The following SEM1 variants were observed in gnomAD, a reference collection of about 807,000 sequenced individuals.
The protein encoded by SEM1 is 26S proteasome complex subunit SEM1.
In SEM1, 3 loss-of-function variants were observed where a neutral mutation model predicts 12.7. That is an observed-to-expected ratio of 0.24 (90% CI 0.11 to 0.61). The LOEUF (loss-of-function observed/expected upper bound fraction) is 0.61. SEM1 is among the 20% of genes least tolerant of loss of function. The pLI, the probability that SEM1 is intolerant of heterozygous loss-of-function variation, is 0.88. For missense variants in SEM1, 59 were observed against 81.3 expected (o/e 0.73, Z 1.06); for synonymous variants, 30 against 27.8 (o/e 1.08, Z -0.25).
intron 2 of SEM1, among the ~76,000 whole-genome samples, chr7:96,553,653 G>T (rs1805374331): frequency 6.6e-6 from 1 of 152,062 alleles, no homozygotes; most frequent in Admixed American, 6.6e-5. Flanking sequence ...TGTTCTTTTG[G>T]CTTAGGATTG....
At chr7:96,519,259 C>T (rs1333858316) in intron 2 of SEM1, among the ~76,000 whole-genome samples, 1 of 152,088 alleles carries the variant, frequency 6.6e-6, no homozygotes, top group Non-Finnish European at 1.5e-5. Flanking sequence ...ATTGATTCAA[C>T]AAAACTATTT....
chr7:96,639,975 C>G (rs1808541329), intron 2 of SEM1, among the ~76,000 whole-genome samples: 1 of 151,934 alleles, frequency 6.6e-6, no homozygotes, highest in Non-Finnish European at 1.5e-5. Flanking sequence ...TGTTCCACAT[C>G]ATATATCGTC....
At chr7:96,499,886 G>A (rs1803452779), upstream of SEM1, among the ~76,000 whole-genome samples, 1 of 152,088 alleles carries the variant, frequency 6.6e-6, no homozygotes, top group Non-Finnish European at 1.5e-5. Flanking sequence ...AGATCAAGTA[G>A]AATAAAAATC....
intron 2 of SEM1, 144 bp from the exon 3 acceptor site, chr7:96,689,110 A>G (rs1789848113): frequency 6.1e-6 from 3 of 492,666 alleles, no homozygotes; most frequent in South Asian, 7.5e-5. Context: ...TTTGTCTCTG[A>G]AAAAAAAACA....
rs376256373 is a variant in SEM1, at chr7:96,709,746, C to T, written c.18G>A (p.Gln6=). ...CCTCTAACAGACCTAAGTCTACCGG[C>T]TGCTTTTTCTCTGACATCTCGACTG... MSEKK[Q]PVDLGLLEED... is the part of the protein sequence containing the mutation. Residue 6 remains glutamine (Q), a synonymous_variant, in exon 1 of 3, where the codon CAG becomes CAA. Transcript: ENST00000248566. 6.2e-7 allele frequency: 1 copy of T among 1,614,036 alleles called. No individual in the cohort carries two copies. Among genetic ancestry groups the T allele is most frequent in the African/African-American group, 1.3e-5 (1 of 75,034 alleles).
upstream of SEM1, among the ~76,000 whole-genome samples, chr7:96,498,863 C>A (rs1803400520): frequency 6.6e-6 from 1 of 152,106 alleles, no homozygotes; most frequent in African/African-American, 2.4e-5. Context: ...TGTAGAGAAT[C>A]ATTCTTGAAA....
At chr7:96,540,833 G>A (rs1804925200) in intron 2 of SEM1, among the ~76,000 whole-genome samples, 2 of 151,862 alleles carry the variant, frequency 1.3e-5, no homozygotes, top group South Asian at 2.1e-4. Context: ...GAGAAAACAC[G>A]GTATTTGGTT....
chr7:96,564,716 G>A (rs994992103), intron 2 of SEM1, among the ~76,000 whole-genome samples: 1 of 151,892 alleles, frequency 6.6e-6, no homozygotes, highest in Non-Finnish European at 1.5e-5. Context: ...GACACCCTAC[G>A]TCTGGATTTT....
chr7:96,668,477 A>G (rs558534658), downstream of SEM1, among the ~76,000 whole-genome samples: 1 of 152,312 alleles, frequency 6.6e-6, no homozygotes, highest in Non-Finnish European at 1.5e-5. Flanking sequence ...AACTTTAAAT[A>G]GTGTGTTTCA....
At chr7:96,593,119 C>A (rs1806885306) in intron 2 of SEM1, among the ~76,000 whole-genome samples, 1 of 151,782 alleles carries the variant, frequency 6.6e-6, no homozygotes, top group Non-Finnish European at 1.5e-5. Flanking sequence ...TGAATATCTG[C>A]GAGAGACCTT....
intron 2 of SEM1, among the ~76,000 whole-genome samples, chr7:96,588,500 A>T (rs1017222367): frequency 3.9e-4 from 14 of 35,502 alleles, no homozygotes; most frequent in African/African-American, 6.8e-4. Flanking sequence ...ATTTGATAAT[A>T]AAAGCTCATT....
downstream of SEM1, chr7:96,621,515 C>T (rs1807891754): frequency 6.6e-6 from 1 of 152,126 alleles, no homozygotes; most frequent in African/African-American, 2.4e-5. Flanking sequence ...TTGGTGAGGA[C>T]AGAAGTGTGT....
intron 1 of SEM1, among the ~76,000 whole-genome samples, chr7:96,708,583 C>T (rs1790543452): frequency 6.6e-6 from 1 of 152,186 alleles, no homozygotes; most frequent in South Asian, 2.1e-4. Context: ...ACAAATCCTA[C>T]TCATCAACCA....
chr7:96,708,492 C>T (rs140748874), intron 1 of SEM1, among the ~76,000 whole-genome samples: 1 of 152,304 alleles, frequency 6.6e-6, no homozygotes, highest in East Asian at 1.9e-4. Context: ...CTTGATGCAA[C>T]AGGATGTGTA....
chr7:96,684,682 G>A (rs759118835), downstream of SEM1, among the ~76,000 whole-genome samples: 11 of 152,064 alleles, frequency 7.2e-5, no homozygotes, highest in African/African-American at 2.7e-4. Context: ...ATTTACTGAG[G>A]TGGGGAAGAC....
chr7:96,518,908 A>G (rs917236839), intron 2 of SEM1, among the ~76,000 whole-genome samples: 1 of 152,128 alleles, frequency 6.6e-6, no homozygotes, highest in African/African-American at 2.4e-5. Context: ...ACCACAAATG[A>G]TTCTGTCCTT....
chr7:96,590,083 A>T (rs1806780553), intron 2 of SEM1, among the ~76,000 whole-genome samples: 1 of 152,222 alleles, frequency 6.6e-6, no homozygotes, highest in African/African-American at 2.4e-5. Context: ...TATTTAAATT[A>T]ATCATCTCAT....
At chr7:96,671,331 A>G (rs1042478734), downstream of SEM1, among the ~76,000 whole-genome samples, 2 of 152,196 alleles carry the variant, frequency 1.3e-5, no homozygotes, top group South Asian at 4.1e-4. Context: ...AAGCTACAAT[A>G]GATTTATGGA....
rs373555624 is a variant in SEM1, at chr7:96,678,786, A to G, written c.171-4927T>C. On this transcript the variant is annotated intron_variant, in intron 2 of 2. Transcript: ENST00000413065. ...AATTTGGATAAGAAAAATTAAGAAA[A>G]AAGCTTTACATGGAAAAATAAAAGT... is the stretch of plus-strand genomic sequence containing the variant. 5.0e-3 allele frequency among the ~76,000 whole-genome samples: 761 copies of G among 152,260 alleles called. 7 individuals carry two copies. Among genetic ancestry groups the G allele is most frequent in the African/African-American group, 0.017 (725 of 41,560 alleles).
Sources: gnomAD v4.1 joint callset for allele counts (sites outside exome capture counted in the v4.1 genomes callset) on GRCh38, gnomAD v4.1.1 for gene constraint, MANE v1.5 for transcripts, NCBI Gene and HGNC (gene_info 2026-07-23, HGNC 2026-07-21) for gene names.